Variants in PTPRG observed in about 807,000 individuals in gnomAD.
PTPRG encodes the protein receptor-type tyrosine-protein phosphatase gamma.
A neutral mutation model predicts 165.3 loss-of-function variants in PTPRG; 102 were observed. That is an observed-to-expected ratio of 0.62 (90% confidence interval 0.53 to 0.73). The LOEUF is 0.73. Among genes scored for constraint, PTPRG ranks in the 30% least tolerant of loss-of-function variants. The probability of loss-of-function intolerance (pLI) is 0.00; values close to 1 mark genes in which losing one functional copy is unlikely to be tolerated. For missense variants in PTPRG, 1,866 were observed against 1,861.4 expected, an observed-to-expected ratio of 1.00 and a Z score of -0.05; for synonymous variants, 675 against 669.5, an observed-to-expected ratio of 1.01 and a Z score of -0.13.
intron 1 of PTPRG, among the ~76,000 whole-genome samples, chr3:61,675,369 G>A (rs543414979): frequency 6.6e-6 from 1 of 152,070 alleles, no homozygotes; most frequent in South Asian, 2.1e-4. Context: ...GGTTGAGGTT[G>A]TTTCATTTAT....
At chr3:61,975,260 GCCT>G (rs929260941) in intron 2 of PTPRG, among the ~76,000 whole-genome samples, 1 of 152,182 alleles carries the variant, frequency 6.6e-6, no homozygotes, top group African/African-American at 2.4e-5. Flanking sequence ...GCCCTCACAT[GCCT>G]CATCTATAAA....
chr3:61,825,711 C>T (rs551344279), intron 2 of PTPRG, among the ~76,000 whole-genome samples: 76 of 151,732 alleles, frequency 5.0e-4, no homozygotes, highest in African/African-American at 1.8e-3. Context: ...GAGATAGGAT[C>T]ACAGCTCACT....
At chr3:61,621,580 TC>T in intron 1 of PTPRG, among the ~76,000 whole-genome samples, 1 of 152,200 alleles carries the variant, frequency 6.6e-6, no homozygotes, top group East Asian at 1.9e-4. Flanking sequence ...CTCTCTGTCT[TC>T]CTTAACTCCT....
At position 62,245,406 on chromosome 3, in the gene PTPRG, C is replaced by T. The variant is rs1701267653; in HGVS notation, c.2467+1508C>T. On this transcript the variant is annotated intron_variant, in intron 15 of 29. Transcript: ENST00000474889. The surrounding 1 kb of genome is among the most constrained non-coding windows in gnomAD (Gnocchi z 4.2). Reference sequence around the variant, plus strand: ...TGACCACTGGAAAATTCCTGGCAGCCTTTCTCCCCTCTGACCTGATTTGTC... The same window carrying T: ...TGACCACTGGAAAATTCCTGGCAGCTTTTCTCCCCTCTGACCTGATTTGTC... 2.0e-5 allele frequency among the ~76,000 whole-genome samples: 3 copies of T among 152,160 alleles called. No homozygotes were observed. The highest frequency in any genetic ancestry group is 1.3e-4 in the Admixed American group (2 of 15,276).
At chr3:61,876,926 G>A (rs944756201) in intron 2 of PTPRG, among the ~76,000 whole-genome samples, 1 of 151,920 alleles carries the variant, frequency 6.6e-6, no homozygotes, top group African/African-American at 2.4e-5. Flanking sequence ...TAAGTAGTCT[G>A]TAACAGAGTG....
At chr3:61,919,048 G>A (rs1219551716) in intron 2 of PTPRG, among the ~76,000 whole-genome samples, 1 of 152,176 alleles carries the variant, frequency 6.6e-6, no homozygotes, top group African/African-American at 2.4e-5. Flanking sequence ...TTTGCACTTG[G>A]TTCCCTGTGC....
intron 1 of PTPRG, among the ~76,000 whole-genome samples, chr3:61,611,360 C>T (rs1701162209): frequency 6.6e-6 from 1 of 152,176 alleles, no homozygotes; most frequent in Non-Finnish European, 1.5e-5. Flanking sequence ...AAGTGACAAG[C>T]ACAGTGCCTT....
chr3:62,283,908 A>G (rs1005358442), intron 28 of PTPRG, among the ~76,000 whole-genome samples: 3 of 152,134 alleles, frequency 2.0e-5, no homozygotes, highest in East Asian at 1.9e-4. Context: ...AGATTTGAAA[A>G]GCATTACAGT....
rs141988445 is a variant in PTPRG, at chr3:61,760,735, A to G, written c.190+11753A>G. Among the ~76,000 whole-genome samples, 1,332 of 152,238 alleles carry G rather than the reference A, an allele frequency of 8.7e-3. 11 individuals carry two copies. The highest frequency in any genetic ancestry group is 0.013 in the Non-Finnish European group (902 of 68,010). On this transcript the variant is annotated intron_variant, in intron 2 of 29. Transcript: ENST00000474889. ...GTATTAAGCCCAGCATGCATTAGCT[A>G]TTCTTCCTGATGCTCTCCCTCGCCC...
In PTPRG at chr3:62,168,115, G is replaced by T. The variant is rs1473398406; in HGVS notation, c.985G>T (p.Asp329Tyr). Residue 329 changes from aspartate to tyrosine, a missense_variant, in exon 8 of 30, where the codon GAC becomes TAC. Transcript: ENST00000474889. ...KSAVRDSWNH[D>Y]MTDFLENPLG... The stretch of plus-strand genomic sequence containing the variant: ...CGCCGTCCGTGACTCCTGGAACCAC[G>T]ACATGACAGACTTCTTAGAAAACCC... 9 of 1,614,054 alleles carry T rather than the reference G, an allele frequency of 5.6e-6. No individual in the cohort carries two copies. Among genetic ancestry groups the T allele is most frequent in the Non-Finnish European group, 7.6e-6 (9 of 1,179,968 alleles).
chr3:61,928,827 G>A (rs2039289339), intron 2 of PTPRG, among the ~76,000 whole-genome samples: 1 of 152,156 alleles, frequency 6.6e-6, no homozygotes, highest in African/African-American at 2.4e-5. Flanking sequence ...GTCTATAGAT[G>A]TAATAAAATA....
intron 5 of PTPRG, among the ~76,000 whole-genome samples, chr3:62,120,464 TTG>T (rs1559531055): frequency 2.0e-5 from 2 of 101,826 alleles, no homozygotes; most frequent in Non-Finnish European, 4.8e-5. Flanking sequence ...AAATAAAAGA[TTG>T]AAGGCCAGGT....
rs547460284 is a variant in PTPRG, at chr3:61,829,798, C to T, written c.190+80816C>T. On this transcript the variant is annotated intron_variant, in intron 2 of 29. Coordinates refer to ENST00000474889, the MANE Select transcript of PTPRG (RefSeq NM_002841.4). ...GAGTCATACAGTCAAGAAAATCACC[C>T]GGTAGATTAATTTAGCTGGTGTAAC... Among the ~76,000 whole-genome samples the T allele has an allele frequency of 6.6e-5, 10 of 152,136 alleles. No homozygotes were observed. In the East Asian group the frequency reaches 9.7e-4, roughly 15 times the overall value.
At chr3:62,259,925 T>C (rs542948486) in intron 16 of PTPRG, among the ~76,000 whole-genome samples, 3 of 152,134 alleles carry the variant, frequency 2.0e-5, no homozygotes, top group South Asian at 4.1e-4. Flanking sequence ...GAAGATAAGA[T>C]GGGACCTTGA....
chr3:62,232,695 AT>A (rs1192686243), intron 14 of PTPRG, among the ~76,000 whole-genome samples: 1 of 152,080 alleles, frequency 6.6e-6, no homozygotes, highest in Non-Finnish European at 1.5e-5. Flanking sequence ...CCCATTATAG[AT>A]ATATTTTAGA....
intron 1 of PTPRG, among the ~76,000 whole-genome samples, chr3:61,649,767 T>C (rs958393727): frequency 1.3e-5 from 2 of 152,242 alleles, no homozygotes; most frequent in African/African-American, 2.4e-5. Context: ...AAATAGGTTG[T>C]CGTATAGATG....
chr3:62,123,844 C>A (rs533935316), intron 5 of PTPRG, among the ~76,000 whole-genome samples: 1 of 152,134 alleles, frequency 6.6e-6, no homozygotes, highest in South Asian at 2.1e-4. Context: ...ATACTGGATC[C>A]TTCTGGTATT....
intron 2 of PTPRG, among the ~76,000 whole-genome samples, chr3:61,758,015 C>G (rs1421799182): frequency 6.6e-6 from 1 of 152,190 alleles, no homozygotes; most frequent in Non-Finnish European, 1.5e-5. Context: ...AAAACGTTCT[C>G]TTTCATTACA....
intron 1 of PTPRG, among the ~76,000 whole-genome samples, chr3:61,711,003 T>C (rs916411309): frequency 3.3e-5 from 5 of 152,098 alleles, no homozygotes; most frequent in Non-Finnish European, 5.9e-5. Flanking sequence ...CTCCCACTTA[T>C]GACTCAGAAC....
Sources: allele counts gnomAD v4.1 joint callset (sites outside exome capture counted in the v4.1 genomes callset), GRCh38; gene constraint gnomAD v4.1.1; non-coding constraint Gnocchi (gnomAD v3.1); transcripts MANE v1.5; gene names NCBI Gene and HGNC (gene_info 2026-07-23, HGNC 2026-07-21).